Variants in C12orf42 observed in about 807,000 individuals in gnomAD.
The protein encoded by C12orf42 is chromosome 12 open reading frame 42.
Under a neutral mutation model 21.6 loss-of-function variants are expected in C12orf42, and 25 were observed. The observed-to-expected ratio is 1.16, with a 90% CI of 0.84 to 1.62. The LOEUF (loss-of-function observed/expected upper bound fraction) is 1.62. C12orf42 is among the 40% of genes most tolerant of loss of function. The pLI, the probability that C12orf42 is intolerant of heterozygous loss-of-function variation, is 0.00. For missense variants in C12orf42, 483 were observed against 459.3 expected (o/e 1.05, Z -0.47); for synonymous variants, 174 against 175.0 (o/e 0.99, Z 0.05).
chr12:103,495,247 A>T (rs1414295561), intron 1 of C12orf42, among the ~76,000 whole-genome samples: 15 of 148,402 alleles, frequency 1.0e-4, no homozygotes, highest in Non-Finnish European at 9.0e-5. Flanking sequence ...GCGGGCGGGG[A>T]AGGTTAGGGG....
At chr12:103,385,743 C>T (rs2046559253) in intron 3 of C12orf42, among the ~76,000 whole-genome samples, 1 of 152,098 alleles carries the variant, frequency 6.6e-6, no homozygotes, top group Non-Finnish European at 1.5e-5. Flanking sequence ...TGAAATTTGA[C>T]CCAAGTTTAA....
intron 10 of C12orf42, among the ~76,000 whole-genome samples, chr12:103,259,669 T>C (rs1651827593): frequency 1.3e-5 from 2 of 152,232 alleles, no homozygotes; most frequent in Non-Finnish European, 2.9e-5. Context: ...AACCTTGGCA[T>C]AGCAGGTGGG....
chr12:103,555,025 C>T, the C12orf42 span, among the ~76,000 whole-genome samples: 1 of 152,286 alleles, frequency 6.6e-6, no homozygotes, highest in Admixed American at 6.5e-5. Flanking sequence ...GTAGGCTTCA[C>T]CCTGCAGGGA....
the C12orf42 span, among the ~76,000 whole-genome samples, chr12:103,155,804 C>T: frequency 6.8e-6 from 1 of 146,450 alleles, no homozygotes; most frequent in East Asian, 2.0e-4. Context: ...TATACATATA[C>T]CAGTATGTGT....
intron 4 of C12orf42, among the ~76,000 whole-genome samples, chr12:103,354,129 T>C (rs990607683): frequency 2.6e-5 from 4 of 152,182 alleles, no homozygotes; most frequent in African/African-American, 9.6e-5. Flanking sequence ...ACAAAACCTC[T>C]GTGGTCTACA....
At chr12:103,407,996 T>A (rs1297911045) in intron 2 of C12orf42, among the ~76,000 whole-genome samples, 2 of 152,178 alleles carry the variant, frequency 1.3e-5, no homozygotes, top group African/African-American at 4.8e-5. Flanking sequence ...ATCATTATCA[T>A]CATCATAGTA....
At chr12:103,081,813 A>G in the C12orf42 span, among the ~76,000 whole-genome samples, 1 of 152,166 alleles carries the variant, frequency 6.6e-6, no homozygotes, top group African/African-American at 2.4e-5. Context: ...AATTAATTTG[A>G]TAAAGATTAT....
At chr12:103,382,956 A>C (rs1242771006) in intron 3 of C12orf42, among the ~76,000 whole-genome samples, 2 of 152,164 alleles carry the variant, frequency 1.3e-5, no homozygotes, top group Non-Finnish European at 2.9e-5. Context: ...GGCTGGCCCA[A>C]GCAGCAAAGA....
the C12orf42 span, among the ~76,000 whole-genome samples, chr12:103,540,441 T>C: frequency 6.6e-6 from 1 of 152,230 alleles, no homozygotes; most frequent in Non-Finnish European, 1.5e-5. Flanking sequence ...ATTTTCTCCT[T>C]GTAGTTACTT....
At chr12:103,328,948 G>A (rs1184478589) in intron 4 of C12orf42, among the ~76,000 whole-genome samples, 1 of 152,194 alleles carries the variant, frequency 6.6e-6, no homozygotes, top group East Asian at 1.9e-4. Flanking sequence ...CAAATACTGG[G>A]AATATGAAGA....
chr12:103,250,861 G>A (rs1385217435), intron 10 of C12orf42, among the ~76,000 whole-genome samples: 1 of 150,902 alleles, frequency 6.6e-6, no homozygotes, highest in African/African-American at 2.4e-5. Flanking sequence ...CTACCCTTGA[G>A]ATTCTTTTAT....
the C12orf42 span, among the ~76,000 whole-genome samples, chr12:103,528,150 T>C: frequency 6.6e-6 from 1 of 152,170 alleles, no homozygotes; most frequent in Non-Finnish European, 1.5e-5. Flanking sequence ...GTAGAAGAAA[T>C]GGAACATTTA....
chr12:103,122,201 C>T, the C12orf42 span, among the ~76,000 whole-genome samples: 17 of 152,310 alleles, frequency 1.1e-4, no homozygotes, highest in East Asian at 3.3e-3. Flanking sequence ...TTCCCCAACT[C>T]TTCTCTCTGC....
At chr12:103,405,567 T>C (rs1003306665) in intron 2 of C12orf42, among the ~76,000 whole-genome samples, 6 of 152,244 alleles carry the variant, frequency 3.9e-5, no homozygotes, top group Non-Finnish European at 5.9e-5. Flanking sequence ...ACAAATACCT[T>C]CACAAATCGG....
At chr12:103,417,329 C>A (rs1187408845) in intron 2 of C12orf42, among the ~76,000 whole-genome samples, 6 of 152,138 alleles carry the variant, frequency 3.9e-5, no homozygotes, top group African/African-American at 2.4e-5. Context: ...CCAATCCATC[C>A]CCTAAAATGA....
the C12orf42 span, among the ~76,000 whole-genome samples, chr12:103,501,209 T>C: frequency 6.6e-6 from 1 of 152,176 alleles, no homozygotes; most frequent in East Asian, 1.9e-4. Context: ...ACCAAAGCTC[T>C]CATTTGGGTA....
At chr12:103,436,010 G>C (rs1185339960) in intron 2 of C12orf42, among the ~76,000 whole-genome samples, 1 of 151,278 alleles carries the variant, frequency 6.6e-6, no homozygotes, top group Non-Finnish European at 1.5e-5. Context: ...AGAAAGGTCG[G>C]GATATCCTCA....
chr12:103,280,383 C>T (rs1272436080), intron 4 of C12orf42, among the ~76,000 whole-genome samples: 3 of 152,052 alleles, frequency 2.0e-5, no homozygotes, highest in East Asian at 1.9e-4. Flanking sequence ...TTTGGGAGGC[C>T]GAGGCAGGCA....
chr12:103,323,405 T>G (rs185661679), intron 4 of C12orf42, among the ~76,000 whole-genome samples: 1 of 152,252 alleles, frequency 6.6e-6, no homozygotes, highest in Non-Finnish European at 1.5e-5. Context: ...CCAGTCTTCA[T>G]GGTGAATTAT....
Sources: gnomAD v4.1 joint callset for allele counts (sites outside exome capture counted in the v4.1 genomes callset) on GRCh38, gnomAD v4.1.1 for gene constraint, MANE v1.5 for transcripts, NCBI Gene and HGNC (gene_info 2026-07-23, HGNC 2026-07-21) for gene names.